CTNNA2: variants seen among roughly 807,000 people sequenced by gnomAD.
The protein encoded by CTNNA2 is catenin alpha-2.
A neutral mutation model predicts 101.0 loss-of-function variants in CTNNA2; 42 were observed. The ratio of observed to expected loss-of-function variants is 0.42; its 90% CI spans 0.32 to 0.54. The LOEUF (loss-of-function observed/expected upper bound fraction) is 0.54. Among genes scored for constraint, CTNNA2 ranks in the 20% least tolerant of loss-of-function variants. The pLI is 0.14. For synonymous variants in CTNNA2, 450 were observed against 456.4 expected, an observed-to-expected ratio of 0.99 and a Z score of 0.18; for missense variants, 871 against 1,223.1, an observed-to-expected ratio of 0.71 and a Z score of 4.29.
At chr2:79,411,317 T>C (rs1184271655) in intron 4 of CTNNA2, among the ~76,000 whole-genome samples, 2 of 151,856 alleles carry the variant, frequency 1.3e-5, no homozygotes, top group African/African-American at 4.8e-5. Context: ...CTGCTCTGAT[T>C]TTAGTTATTT....
intron 16 of CTNNA2, among the ~76,000 whole-genome samples, chr2:80,607,954 CT>C (rs1163628867): frequency 6.6e-6 from 1 of 151,794 alleles, no homozygotes; most frequent in East Asian, 1.9e-4. Flanking sequence ...CCCAATAAAA[CT>C]TTCTGGAATA....
intron 4 of CTNNA2, among the ~76,000 whole-genome samples, chr2:79,378,725 G>A (rs1573137099): frequency 1.3e-5 from 2 of 152,138 alleles, no homozygotes; most frequent in East Asian, 3.8e-4. Context: ...GTGCTTACAT[G>A]AAGCAGAATG....
chr2:80,274,364 C>T (rs1049445652), intron 7 of CTNNA2, among the ~76,000 whole-genome samples: 1 of 152,162 alleles, frequency 6.6e-6, no homozygotes, highest in South Asian at 2.1e-4. Flanking sequence ...CAATAGTCTT[C>T]GTGCTGGAGC....
chr2:80,622,347 G>A (rs1470426642), intron 18 of CTNNA2, among the ~76,000 whole-genome samples: 2 of 151,826 alleles, frequency 1.3e-5, no homozygotes, highest in Non-Finnish European at 2.9e-5. Context: ...GAGATATTCT[G>A]GTATTGTGAT....
chr2:79,552,835 C>G (rs1290709939), intron 1 of CTNNA2, among the ~76,000 whole-genome samples: 1 of 152,188 alleles, frequency 6.6e-6, no homozygotes, highest in South Asian at 2.1e-4. Flanking sequence ...CAGTGGGGCC[C>G]AGGGCCTGAC....
chr2:79,687,632 GA>G, intron 2 of CTNNA2: 1 of 677,048 alleles, frequency 1.5e-6, no homozygotes, highest in Non-Finnish European at 2.7e-6. Flanking sequence ...CTGTCATCTT[GA>G]AAAAGGATAC....
At chr2:80,464,659 A>G (rs895355961) in intron 9 of CTNNA2, among the ~76,000 whole-genome samples, 11 of 152,108 alleles carry the variant, frequency 7.2e-5, no homozygotes, top group African/African-American at 2.4e-4. Context: ...GCCTCCCCCA[A>G]CTTGCATACC....
At chr2:79,189,223 T>C (rs984417753) in intron 1 of CTNNA2, among the ~76,000 whole-genome samples, 2 of 152,208 alleles carry the variant, frequency 1.3e-5, no homozygotes, top group Non-Finnish European at 2.9e-5. Context: ...TAATAACAAA[T>C]GTGTAAAATA....
At position 79,766,780 on chromosome 2, in the gene CTNNA2, G is replaced by A. The variant is rs188764763; in HGVS notation, c.298+22198G>A. Among the ~76,000 whole-genome samples the A allele has an allele frequency of 5.7e-3, 852 of 150,446 alleles. 8 individuals are homozygous for A. Among genetic ancestry groups the A allele is most frequent in the African/African-American group, 0.02 (801 of 40,906 alleles). Reference sequence around the variant, plus strand: ...TCTTTTTTCTTTTTTTTTTAACACAGAGTCTTGCTTTGTCACCCAGGCTGG... The same window carrying A: ...TCTTTTTTCTTTTTTTTTTAACACAAAGTCTTGCTTTGTCACCCAGGCTGG... On this transcript the variant is annotated intron_variant, in intron 3 of 18. Transcript: ENST00000402739.
chr2:80,593,459 C>G (rs1397578113), intron 15 of CTNNA2, among the ~76,000 whole-genome samples: 1 of 152,106 alleles, frequency 6.6e-6, no homozygotes, highest in Non-Finnish European at 1.5e-5. Context: ...AATACAGTAG[C>G]CACTAGCCAT....
intron 4 of CTNNA2, among the ~76,000 whole-genome samples, chr2:79,398,333 C>G (rs192060481): frequency 6.6e-6 from 1 of 152,086 alleles, no homozygotes; most frequent in Non-Finnish European, 1.5e-5. Flanking sequence ...ATGTGAACCA[C>G]CTACCATATA....
At chr2:80,450,061 G>A (rs1049311983) in intron 9 of CTNNA2, among the ~76,000 whole-genome samples, 8 of 152,084 alleles carry the variant, frequency 5.3e-5, no homozygotes, top group African/African-American at 1.9e-4. Context: ...TATGATGTTA[G>A]GAATGTCCAA....
intron 6 of CTNNA2, among the ~76,000 whole-genome samples, chr2:79,880,670 T>C (rs965648828): frequency 2.6e-5 from 4 of 151,388 alleles, no homozygotes; most frequent in Non-Finnish European, 4.4e-5. Flanking sequence ...GATATCTCCT[T>C]TATAATTTTT....
At chr2:80,022,844 T>C (rs995050383) in intron 7 of CTNNA2, among the ~76,000 whole-genome samples, 1 of 152,104 alleles carries the variant, frequency 6.6e-6, no homozygotes, top group Admixed American at 6.5e-5. Context: ...TTTTGAAAGA[T>C]TTTGCTCTTT....
chr2:79,985,270 C>A (rs1691679753), intron 7 of CTNNA2, among the ~76,000 whole-genome samples: 1 of 152,168 alleles, frequency 6.6e-6, no homozygotes, highest in Non-Finnish European at 1.5e-5. Context: ...GTTCAGAATT[C>A]TTTCGATGGC....
chr2:79,377,080 G>A (rs559041268), intron 4 of CTNNA2, among the ~76,000 whole-genome samples: 2 of 151,454 alleles, frequency 1.3e-5, no homozygotes, highest in African/African-American at 4.8e-5. Context: ...CACAATGGTT[G>A]AACTAGTTTA....
At chr2:79,383,021 G>A (rs1678057660) in intron 4 of CTNNA2, among the ~76,000 whole-genome samples, 1 of 152,178 alleles carries the variant, frequency 6.6e-6, no homozygotes, top group Non-Finnish European at 1.5e-5. Context: ...CACATTGAGA[G>A]GTTGCGCTCA....
intron 7 of CTNNA2, among the ~76,000 whole-genome samples, chr2:80,342,865 G>GAGGTCCA (rs1672364839): frequency 6.6e-6 from 1 of 152,210 alleles, no homozygotes; most frequent in South Asian, 2.1e-4. Context: ...CGGGAGGACA[G>GAGGTCCA]AGGTCCAAGA....
chr2:80,085,758 A>T (rs1297229672), intron 7 of CTNNA2, among the ~76,000 whole-genome samples: 1 of 151,882 alleles, frequency 6.6e-6, no homozygotes, highest in African/African-American at 2.4e-5. Context: ...GGCTTTAATG[A>T]CCACTTTTAA....
Sources: allele counts gnomAD v4.1 joint callset (sites outside exome capture counted in the v4.1 genomes callset), GRCh38; gene constraint gnomAD v4.1.1; transcripts MANE v1.5; gene names NCBI Gene and HGNC (gene_info 2026-07-23, HGNC 2026-07-21).